The following CFAP47 variants were observed in gnomAD, a reference collection of about 807,000 sequenced individuals.
CFAP47 encodes the protein cilia and flagella associated protein 47.
In CFAP47, 29 loss-of-function variants were observed where a neutral mutation model predicts 148.1. The ratio of observed to expected loss-of-function variants is 0.20; its 90% CI spans 0.15 to 0.27. The LOEUF is 0.27. Ranked by LOEUF, CFAP47 falls within the 10% of genes least tolerant of loss-of-function variation. The probability of loss-of-function intolerance (pLI) is 1.00; values close to 1 mark genes in which losing one functional copy is unlikely to be tolerated. For missense variants in CFAP47, 1,872 were observed against 1,697.5 expected (o/e 1.10, Z -1.81); for synonymous variants, 664 against 577.3 (o/e 1.15, Z -2.15).
chrX:36,167,295 C>T lies in CFAP47; in HGVS notation c.6026+6526C>T, dbSNP rs149355553. 9.1e-4 allele frequency among the ~76,000 whole-genome samples: 102 copies of T among 111,496 alleles called. 1 individual carries two copies. In the East Asian group the frequency reaches 0.026, roughly 28 times the overall value. The stretch of plus-strand genomic sequence containing the variant: ...ATTAGGAGCTATTCATTTTAAAGCC[C>T]GCTTCTCTCCTCAGGGAAAATATCT... On this transcript the variant is annotated intron_variant, in intron 39 of 63. Coordinates refer to ENST00000378653, the MANE Select transcript of CFAP47 (RefSeq NM_001304548.2).
intron 2 of CFAP47, among the ~76,000 whole-genome samples, chrX:35,931,284 G>C (rs965244669): frequency 9.0e-6 from 1 of 110,662 alleles, no homozygotes; most frequent in Non-Finnish European, 1.9e-5. Flanking sequence ...GTCCCTCCTT[G>C]TGCATGGTGA....
At chrX:36,197,787 C>T (rs926472610) in intron 42 of CFAP47, among the ~76,000 whole-genome samples, 1 of 111,105 alleles carries the variant, frequency 9.0e-6, no homozygotes, top group Admixed American at 9.6e-5. Context: ...TTTTCATATT[C>T]TTTTTTCCAG....
chrX:36,343,165 G>A (rs1267041565), intron 57 of CFAP47, among the ~76,000 whole-genome samples: 1 of 111,598 alleles, frequency 9.0e-6, no homozygotes, highest in Non-Finnish European at 1.9e-5. Flanking sequence ...TGGCTGCATA[G>A]TATTCCATGG....
intron 51 of CFAP47, 90 bp from the exon 52 acceptor site, chrX:36,298,887 A>G: frequency 1.9e-6 from 1 of 530,492 alleles, no homozygotes; most frequent in Non-Finnish European, 3.1e-6. Flanking sequence ...GCCTTATATT[A>G]TGTAATAATT....
intron 56 of CFAP47, among the ~76,000 whole-genome samples, chrX:36,314,454 C>A (rs1556010559): frequency 9.0e-6 from 1 of 111,183 alleles, no homozygotes; most frequent in African/African-American, 3.3e-5. Flanking sequence ...GCAAAAACAG[C>A]CGATTGGTTA....
intron 8 of CFAP47, among the ~76,000 whole-genome samples, chrX:35,959,604 C>T (rs758926525): frequency 2.7e-5 from 3 of 111,186 alleles, no homozygotes; most frequent in Admixed American, 9.6e-5. Flanking sequence ...GTCAGGAGTT[C>T]GAGACCAGCC....
At chrX:35,934,416 G>A (rs1200191392) in intron 2 of CFAP47, among the ~76,000 whole-genome samples, 1 of 110,642 alleles carries the variant, frequency 9.0e-6, no homozygotes, top group Admixed American at 9.7e-5. Flanking sequence ...TAGTCAGCTT[G>A]TGGTGAATGT....
At chrX:35,954,139 C>G (rs1601897476) in intron 7 of CFAP47, among the ~76,000 whole-genome samples, 1 of 111,013 alleles carries the variant, frequency 9.0e-6, no homozygotes, top group Admixed American at 9.6e-5. Context: ...ATCTAGAGAT[C>G]TAGTTAGTAG....
intron 39 of CFAP47, among the ~76,000 whole-genome samples, chrX:36,171,774 G>C (rs185399549): frequency 7.3e-4 from 82 of 111,566 alleles, no homozygotes; most frequent in Non-Finnish European, 6.8e-4. Context: ...TTGACTTGGC[G>C]ATGCGGGCTA....
At chrX:35,944,844 T>C (rs937845676) in intron 3 of CFAP47, among the ~76,000 whole-genome samples, 3 of 112,137 alleles carry the variant, frequency 2.7e-5, no homozygotes, top group Non-Finnish European at 5.6e-5. Flanking sequence ...CAGCTGTAGC[T>C]GTGGGTACCC....
At chrX:36,344,430 C>T (rs1183154438) in intron 57 of CFAP47, among the ~76,000 whole-genome samples, 1 of 110,701 alleles carries the variant, frequency 9.0e-6, no homozygotes, top group African/African-American at 3.3e-5. Flanking sequence ...GGTTCTTATC[C>T]ATCCAAAGGT....
chrX:36,149,128 C>T lies in CFAP47; in HGVS notation c.5691C>T (p.Ser1897=). ...CATAGATTCTACTGAAAAATTCCAG[C>T]TCGCGAAACTTAGTGTATAATGCTA... is the stretch of plus-strand genomic sequence containing the variant. ...VLNKILLKNS[S]SRNLVYNARI... The change falls in exon 37 of 64, where the codon AGC becomes AGT. Residue 1897 remains serine (S), a synonymous_variant. Coordinates refer to ENST00000378653, the MANE Select transcript of CFAP47 (RefSeq NM_001304548.2). 2 of 296,424 alleles carry T rather than the reference C, an allele frequency of 6.7e-6. No homozygotes were observed. Among genetic ancestry groups the T allele is most frequent in the Non-Finnish European group, 5.9e-6 (1 of 169,669 alleles). 24.4% of individuals were successfully genotyped at this position (296,424 alleles called of 1,213,427 possible). A position where few individuals can be genotyped will look rare whatever the true frequency, so the allele number is the denominator to read the frequency against.
intron 63 of CFAP47, among the ~76,000 whole-genome samples, chrX:36,383,599 T>C (rs1942098856): frequency 8.9e-6 from 1 of 111,998 alleles, no homozygotes; most frequent in African/African-American, 3.2e-5. Context: ...TTTGGTCCAC[T>C]TTTGACACAC....
chrX:36,338,035 A>ATTTT (rs1209274928), intron 57 of CFAP47, among the ~76,000 whole-genome samples: 2 of 46,599 alleles, frequency 4.3e-5, no homozygotes, highest in Non-Finnish European at 3.8e-5. Flanking sequence ...ACGCCTGGCT[A>ATTTT]TTTTTTTTTT....
intron 49 of CFAP47, among the ~76,000 whole-genome samples, chrX:36,253,048 TTTG>T (rs1324008001): frequency 4.5e-5 from 5 of 112,357 alleles, no homozygotes; most frequent in Middle Eastern, 4.2e-3. Context: ...TGTAATCTTT[TTTG>T]TTGTTGTTGG....
At chrX:36,151,683 C>G (rs115920296) in intron 37 of CFAP47, among the ~76,000 whole-genome samples, 1 of 81,844 alleles carries the variant, frequency 1.2e-5, no homozygotes, top group East Asian at 2.8e-4. Flanking sequence ...GTGTGTGTGT[C>G]TGTCTGTGTG....
rs982259514 is a variant in CFAP47, at chrX:36,031,660, G to A, written c.3651+313G>A. Among the ~76,000 whole-genome samples the A allele has an allele frequency of 5.5e-5, 6 of 108,624 alleles. No homozygotes were observed. In the Admixed American group the frequency reaches 5.9e-4, roughly 11 times the overall value. The allele number at this position is 108,624 out of a possible 115,157, so 94.3% of individuals were successfully genotyped here. A position where few individuals can be genotyped will look rare whatever the true frequency, so the allele number is the denominator to read the frequency against. On this transcript the variant is annotated intron_variant, in intron 23 of 63. Transcript: ENST00000378653. ...TTATTCCATTCTCCTTATACAAATG[G>A]AAGCTATGATTTAAATTAATATGAA... is the stretch of plus-strand genomic sequence containing the variant.
At chrX:36,167,926 T>G (rs766755982) in intron 39 of CFAP47, among the ~76,000 whole-genome samples, 2 of 111,975 alleles carry the variant, frequency 1.8e-5, no homozygotes, top group East Asian at 5.6e-4. Flanking sequence ...TGTTTTGTTT[T>G]TACTCATTTG....
chrX:36,051,721 G>A (rs760078744), intron 26 of CFAP47, among the ~76,000 whole-genome samples: 12 of 111,456 alleles, frequency 1.1e-4, no homozygotes, highest in Non-Finnish European at 2.1e-4. Context: ...CTGTTGGGAA[G>A]GCATGATTGG....
Sources: gnomAD v4.1 joint callset for allele counts (sites outside exome capture counted in the v4.1 genomes callset) on GRCh38, gnomAD v4.1.1 for gene constraint, MANE v1.5 for transcripts, NCBI Gene and HGNC (gene_info 2026-07-23, HGNC 2026-07-21) for gene names.